Variants in CLGN observed in about 807,000 individuals in gnomAD.
CLGN encodes the protein testis tissue sperm-binding protein Li 79P.
Under a neutral mutation model 79.1 loss-of-function variants are expected in CLGN, and 62 were observed. The observed-to-expected ratio is 0.78, with a 90% CI of 0.64 to 0.97. The LOEUF (loss-of-function observed/expected upper bound fraction) is 0.97, where lower values mean the gene tolerates loss of function less well. Among genes scored for constraint, CLGN ranks in the 50% least tolerant of loss-of-function variants. The pLI, the probability that CLGN is intolerant of heterozygous loss-of-function variation, is 0.00. For synonymous variants in CLGN, 225 were observed against 224.7 expected (o/e 1.00, Z -0.01); for missense variants, 647 against 715.5 (o/e 0.90, Z 1.09).
intron 14 of CLGN, among the ~76,000 whole-genome samples, chr4:140,390,169 T>C (rs1728745634): frequency 1.3e-5 from 2 of 151,706 alleles, no homozygotes; most frequent in African/African-American, 4.8e-5. Context: ...TCACTAAAGA[T>C]TTGAGAAAAA....
Position 140,392,639 on chromosome 4 carries a change from C to T in CLGN, c.1438G>A (p.Ala480Thr). ...GTAATTAATGCTATTGGCACTCCTG[C>T]TGTCACAAGATAAATCAACCAAAGC... is the stretch of plus-strand genomic sequence containing the variant. ...PWLWLIYLVT[A>T]GVPIALITSF... is the part of the protein sequence containing the mutation. The change falls in exon 12 of 15, where the codon GCA becomes ACA. Residue 480 changes from alanine to threonine, a missense_variant. Ala to Thr is a moderately conservative substitution (Grantham distance 58). Transcript: ENST00000325617. 1 of 1,611,260 alleles carries T rather than the reference C, an allele frequency of 6.2e-7. No individual in the cohort carries two copies. Among genetic ancestry groups the T allele is most frequent in the South Asian group, 1.1e-5 (1 of 90,546 alleles).
intron 1 of CLGN, among the ~76,000 whole-genome samples, chr4:140,427,202 A>G (rs1729586031): frequency 6.6e-6 from 1 of 152,104 alleles, no homozygotes; most frequent in Non-Finnish European, 1.5e-5. Flanking sequence ...CCCGCAGGGG[A>G]GGCCGGCCGG....
chr4:140,403,562 C>T (rs540518510), intron 5 of CLGN, among the ~76,000 whole-genome samples: 1 of 152,210 alleles, frequency 6.6e-6, no homozygotes, highest in Admixed American at 6.5e-5. Flanking sequence ...TTAAAGGTCA[C>T]TGTTTTTAGA....
At chr4:140,393,348 C>T (rs1728811328) in intron 11 of CLGN, among the ~76,000 whole-genome samples, 1 of 152,034 alleles carries the variant, frequency 6.6e-6, no homozygotes, top group Admixed American at 6.6e-5. Flanking sequence ...TTCTAAGATG[C>T]ATTGTGTTGA....
chr4:140,413,665 G>C (rs958099629), intron 1 of CLGN, among the ~76,000 whole-genome samples: 1 of 152,186 alleles, frequency 6.6e-6, no homozygotes, highest in Non-Finnish European at 1.5e-5. Flanking sequence ...AAAAAACGGC[G>C]CACCACGAGA....
intron 2 of CLGN, 135 bp downstream of exon 2, chr4:140,412,800 T>A: frequency 1.2e-6 from 1 of 811,596 alleles, no homozygotes; most frequent in Admixed American, 3.3e-5. Flanking sequence ...AATAAGACAC[T>A]TAGAAAAAAA....
At chr4:140,412,702 A>C (rs1460967938) in intron 2 of CLGN, among the ~76,000 whole-genome samples, 1 of 152,188 alleles carries the variant, frequency 6.6e-6, no homozygotes, top group African/African-American at 2.4e-5. Flanking sequence ...TGATAGTAAA[A>C]ACCTCCCCCA....
intron 1 of CLGN, among the ~76,000 whole-genome samples, chr4:140,415,425 G>T (rs1578606278): frequency 1.3e-5 from 2 of 151,758 alleles, no homozygotes; most frequent in South Asian, 4.2e-4. Context: ...AAAGAGTCAA[G>T]ACCCATCAGT....
chr4:140,421,580 C>T (rs1729471254), intron 1 of CLGN, among the ~76,000 whole-genome samples: 1 of 151,016 alleles, frequency 6.6e-6, no homozygotes, highest in African/African-American at 2.5e-5. Flanking sequence ...TTTTCATGTG[C>T]TTGTTGGCTA....
intron 1 of CLGN, among the ~76,000 whole-genome samples, chr4:140,417,789 C>T (rs1210699951): frequency 5.4e-5 from 8 of 149,360 alleles, no homozygotes; most frequent in Non-Finnish European, 9.0e-5. Context: ...AGGTAATTTA[C>T]AGATTCAATG....
Position 140,392,262 on chromosome 4 carries a change from C to T in CLGN, c.1608G>A (p.Leu536=). 2.5e-6 allele frequency: 4 copies of T among 1,613,162 alleles called. No homozygotes were observed. Among genetic ancestry groups the T allele is most frequent in the Non-Finnish European group, 2.5e-6 (3 of 1,179,472 alleles). The change falls in exon 13 of 15, where the codon CTG becomes CTA. Residue 536 remains leucine, a synonymous_variant. Transcript: ENST00000325617. ...CATCATTTTGCTTTTTTTCCTCTTC[C>T]AGGTCCATTGGTTTTTCCAGGGCTG... ...EKAALEKPMD[L]EEEKKQNDGE...
rs1728728578 is a variant in CLGN, at chr4:140,389,191, C to G, written c.*33G>C. ...TGCTGATTTTTACAATGCCAAACAT[C>G]CCTCTCGGGAATTAAAAATATTTCA... On this transcript the variant is annotated 3_prime_UTR_variant, in exon 15 of 15. Coordinates refer to ENST00000325617, the MANE Select transcript of CLGN (RefSeq NM_004362.3). The G allele has an allele frequency of 6.4e-7, 1 of 1,559,426 alleles. No homozygotes were observed. The highest frequency in any genetic ancestry group is 8.8e-7 in the Non-Finnish European group (1 of 1,131,826).
chr4:140,399,152 C>G, intron 7 of CLGN, 112 bp from the exon 8 acceptor site: 1 of 779,744 alleles, frequency 1.3e-6, no homozygotes, highest in African/African-American at 1.8e-5. Flanking sequence ...TTTTTCCCAA[C>G]CAGAAATAGA....
chr4:140,418,913 T>C, intron 1 of CLGN, among the ~76,000 whole-genome samples: 1 of 152,176 alleles, frequency 6.6e-6, no homozygotes, highest in East Asian at 1.9e-4. Context: ...CGTATGTTTA[T>C]TGCGGCATTA....
chr4:140,415,598 CAAAG>C (rs1022383171), intron 1 of CLGN, among the ~76,000 whole-genome samples: 6 of 150,486 alleles, frequency 4.0e-5, no homozygotes, highest in East Asian at 2.0e-4. Context: ...TCAAAAGAGA[CAAAG>C]AAGGCCATTA....
chr4:140,424,199 T>A (rs1729520643), intron 1 of CLGN, among the ~76,000 whole-genome samples: 1 of 152,212 alleles, frequency 6.6e-6, no homozygotes, highest in Non-Finnish European at 1.5e-5. Context: ...CCATAAGTTT[T>A]GGTATCTTTT....
Position 140,392,644 on chromosome 4 carries a change from A to C in CLGN, c.1433T>G (p.Val478Gly). ...GHPWLWLIYL[V>G]TAGVPIALIT... is the part of the protein sequence containing the mutation. ...TAATGCTATTGGCACTCCTGCTGTC[A>C]CAAGATAAATCAACCAAAGCCATGG... Residue 478 changes from valine to glycine, a missense_variant, in exon 12 of 15, where the codon GTG (valine) becomes GGG (glycine). Coordinates refer to ENST00000325617, the MANE Select transcript of CLGN (RefSeq NM_004362.3). 6.2e-7 allele frequency: 1 copy of C among 1,611,506 alleles called. No homozygotes were observed. Among genetic ancestry groups the C allele is most frequent in the Non-Finnish European group, 8.5e-7 (1 of 1,178,930 alleles).
intron 13 of CLGN, 131 bp downstream of exon 13, chr4:140,392,088 A>G: frequency 8.9e-7 from 1 of 1,118,378 alleles, no homozygotes; most frequent in Non-Finnish European, 1.3e-6. Context: ...TGCCACAGTC[A>G]CATATTCTTG....
chr4:140,405,171 TTA>T (rs56292944), intron 5 of CLGN, among the ~76,000 whole-genome samples: 82,926 of 139,528 alleles, frequency 0.59, 26,618 homozygotes, highest in Non-Finnish European at 0.74. Flanking sequence ...GTAATTTTTT[TTA>T]TTTTTATTTT....
Sources: gnomAD v4.1 joint callset for allele counts (sites outside exome capture counted in the v4.1 genomes callset) on GRCh38, gnomAD v4.1.1 for gene constraint, MANE v1.5 for transcripts, NCBI Gene and HGNC (gene_info 2026-07-23, HGNC 2026-07-21) for gene names.